The following ABCC12 variants were observed in gnomAD, a reference collection of about 807,000 sequenced individuals.
ABCC12 encodes the protein ATP binding cassette subfamily C member 12.
A neutral mutation model predicts 151.1 loss-of-function variants in ABCC12; 142 were observed. The observed-to-expected ratio is 0.94, with a 90% CI of 0.82 to 1.08. ABCC12 has a LOEUF of 1.08. ABCC12 is among the 50% of genes least tolerant of loss of function. ABCC12 has a pLI of 0.00. For synonymous variants in ABCC12, 645 were observed against 646.4 expected, an observed-to-expected ratio of 1.00 and a Z score of 0.03; for missense variants, 1,638 against 1,691.1, an observed-to-expected ratio of 0.97 and a Z score of 0.55.
At chr16:48,141,067 C>T in intron 5 of ABCC12, 139 bp downstream of exon 5, 1 of 1,412,126 alleles carries the variant, frequency 7.1e-7, no homozygotes, top group South Asian at 1.4e-5. Flanking sequence ...CAAGGATTCA[C>T]TTTATGAAAA....
intron 11 of ABCC12, among the ~76,000 whole-genome samples, chr16:48,127,125 T>A (rs1008817250): frequency 6.6e-6 from 1 of 152,216 alleles, no homozygotes; most frequent in African/African-American, 2.4e-5. Flanking sequence ...TTGTTAGCTA[T>A]GAGAGGTACC....
chr16:48,141,150 C>T, intron 5 of ABCC12, 56 bp downstream of exon 5: 2 of 1,594,010 alleles, frequency 1.3e-6, no homozygotes, highest in South Asian at 1.1e-5. Flanking sequence ...TAACTAATGA[C>T]ATTCTTTGCT....
In ABCC12 at chr16:48,143,328, C is replaced by T. The variant is rs142253353; in HGVS notation, c.275+582G>A. On this transcript the variant is annotated intron_variant, in intron 4 of 30. Coordinates refer to ENST00000311303, the MANE Select transcript of ABCC12 (RefSeq NM_001393797.1). ...AGCTCTTCAATGAGTCCTCTCTCCC[C>T]GCTAATGCTGCCTAATTCCCACCTC... is the stretch of plus-strand genomic sequence containing the variant. Among the ~76,000 whole-genome samples the T allele has an allele frequency of 6.4e-4, 97 of 152,274 alleles. 1 individual carries two copies. In the South Asian group the frequency reaches 8.7e-3, roughly 14 times the overall value.
Position 48,096,805 on chromosome 16 carries a change from G to A in ABCC12, c.3136C>T (p.Leu1046=). The A allele has an allele frequency of 6.2e-7, 1 of 1,614,090 alleles. No individual in the cohort carries two copies. The highest frequency in any genetic ancestry group is 8.5e-7 in the Non-Finnish European group (1 of 1,179,984). The change falls in exon 24 of 31, where the codon CTG becomes TTG. Residue 1046 remains leucine, a synonymous_variant. Coordinates refer to ENST00000311303, the MANE Select transcript of ABCC12 (RefSeq NM_001393797.1). ...LTFTVALLVT[L]SFSSISTSSK... ...GAAGTACTGATGGAGGAGAAACTCA[G>A]GGTCACCAACAAGGCCACAGTGAAG...
In ABCC12 at chr16:48,088,527, A is replaced by G; in HGVS notation, c.3475+18T>C. On this transcript the variant is annotated intron_variant, in intron 26 of 30. Transcript: ENST00000311303. ...AAGAAAACAACCCAAAAGAAACAAA[A>G]GCAGAGCTTGTCCTCACCGGAACCT... The G allele has an allele frequency of 6.2e-7, 1 of 1,605,290 alleles. No homozygotes were observed. The highest frequency in any genetic ancestry group is 8.5e-7 in the Non-Finnish European group (1 of 1,174,914).
intron 9 of ABCC12, among the ~76,000 whole-genome samples, chr16:48,132,364 G>A (rs1173620813): frequency 6.6e-6 from 1 of 152,072 alleles, no homozygotes; most frequent in Admixed American, 6.5e-5. Context: ...AGAAACACAG[G>A]GCAGTAATGG....
At chr16:48,106,370 TAC>T (rs1204163871) in intron 20 of ABCC12, among the ~76,000 whole-genome samples, 1 of 151,972 alleles carries the variant, frequency 6.6e-6, no homozygotes, top group Admixed American at 6.5e-5. Context: ...GGCGCAAACA[TAC>T]AGTGTCTGGG....
chr16:48,143,831 A>G, intron 4 of ABCC12, 79 bp downstream of exon 4: 1 of 1,503,908 alleles, frequency 6.6e-7, no homozygotes, highest in Non-Finnish European at 8.9e-7. Context: ...CTTTTTCTTT[A>G]TAAATTACCC....
At chr16:48,090,957 C>T (rs1962857117) in intron 25 of ABCC12, among the ~76,000 whole-genome samples, 163 bp downstream of exon 25, 1 of 152,138 alleles carries the variant, frequency 6.6e-6, no homozygotes, top group South Asian at 2.1e-4. Context: ...GTGATCTGCC[C>T]GCCTCGGCCT....
chr16:48,144,446 T>TTCATTTTTTTCCTCCTTCTCC (rs1964931733), intron 3 of ABCC12, among the ~76,000 whole-genome samples: 2 of 152,020 alleles, frequency 1.3e-5, no homozygotes, highest in African/African-American at 4.8e-5. Context: ...CCTCCTTCTC[T>TTCATTTTTTTCCTCCTTCTCC]TCCTTTTTTT....
intron 24 of ABCC12, among the ~76,000 whole-genome samples, chr16:48,092,788 C>G (rs570751221): frequency 6.6e-6 from 1 of 152,190 alleles, no homozygotes; most frequent in African/African-American, 2.4e-5. Flanking sequence ...GGAGAGTTAC[C>G]TTAGATAGGG....
chr16:48,152,019 GGCTCTAT>G (rs1470037678), intron 2 of ABCC12, among the ~76,000 whole-genome samples: 1 of 152,192 alleles, frequency 6.6e-6, no homozygotes, highest in Non-Finnish European at 1.5e-5. Flanking sequence ...CGTGTCATGG[GGCTCTAT>G]GCACCAGACT....
In ABCC12 at chr16:48,111,436, C is replaced by T. The variant is rs772164000; in HGVS notation, c.2281G>A (p.Val761Ile). 8 of 1,614,042 alleles carry T rather than the reference C, an allele frequency of 5.0e-6. No homozygotes were observed. Among genetic ancestry groups the T allele is most frequent in the Non-Finnish European group, 6.8e-6 (8 of 1,179,902 alleles). Residue 761 changes from valine to isoleucine, a missense_variant and splice_region_variant, in exon 18 of 31, where the codon GTT becomes ATT. Transcript: ENST00000311303. Reference protein sequence around the residue: ...ETGSEFVDTKVPEHQLIQTES... With the variant: ...ETGSEFVDTKIPEHQLIQTES... ...GACTGAGGGGATGTGTGGTAAATAC[C>T]TTTTGTGTCTACAAATTCTGAGCCT...
intron 9 of ABCC12, 121 bp downstream of exon 9, chr16:48,133,566 T>G: frequency 8.5e-7 from 1 of 1,176,498 alleles, no homozygotes; most frequent in Non-Finnish European, 1.2e-6. Context: ...AGTCACATCC[T>G]GTGGCCTGCC....
chr16:48,139,151 G>A lies in ABCC12; in HGVS notation c.831+12C>T. 2 of 1,575,722 alleles carry A rather than the reference G, an allele frequency of 1.3e-6. No homozygotes were observed. The highest frequency in any genetic ancestry group is 1.7e-6 in the Non-Finnish European group (2 of 1,163,436). On this transcript the variant is annotated intron_variant, in intron 7 of 30. Transcript: ENST00000311303. ...ATACAAAGCAGTTAGAAGCGCAAAA[G>A]CCTGCCGTTACCTGGACGGGTATGA...
rs778359631 is a variant in ABCC12 at position 48,139,235 on chromosome 16, C to T, written c.759G>A (p.Ala253=). 9.9e-6 allele frequency: 16 copies of T among 1,613,914 alleles called. No homozygotes were observed. Among genetic ancestry groups the T allele is most frequent in the Admixed American group, 3.3e-5 (2 of 59,972 alleles). Reference sequence around the variant, plus strand: ...TGGGCCCCAGAATGAAAAAGGCGTACGCCGCACAAAAGACCATTAGGATCG... The same window carrying T: ...TGGGCCCCAGAATGAAAAAGGCGTATGCCGCACAAAAGACCATTAGGATCG... The part of the protein sequence containing the change: ...TIPILMVFCA[A]YAFFILGPTA... Residue 253 remains alanine (A), a synonymous_variant, in exon 7 of 31, where the codon GCG becomes GCA. Transcript: ENST00000311303.
Position 48,088,675 on chromosome 16 carries a change from G to A in ABCC12, c.3345C>T (p.Pro1115=), listed in dbSNP as rs1337786285. ...CTCTGAAGGTGATCTCCCCACGGCT[G>A]GGCCAGTCCTTGGGACAGGTCCCCA... ...LKVGTCPKDW[P]SRGEITFRDY... Residue 1115 remains proline (P), a synonymous_variant, in exon 26 of 31, where the codon CCC becomes CCT. Transcript: ENST00000311303. The A allele has an allele frequency of 6.2e-7, 1 of 1,613,996 alleles. No individual in the cohort carries two copies. The highest frequency in any genetic ancestry group is 1.3e-5 in the African/African-American group (1 of 74,932).
At chr16:48,104,641 G>C (rs551171703) in intron 21 of ABCC12, among the ~76,000 whole-genome samples, 1 of 152,206 alleles carries the variant, frequency 6.6e-6, no homozygotes, top group Non-Finnish European at 1.5e-5. Flanking sequence ...AGCCTGAGAC[G>C]GGAGAGGCTG....
At chr16:48,147,081 C>T (rs182282464) in intron 2 of ABCC12, among the ~76,000 whole-genome samples, 3 of 152,316 alleles carry the variant, frequency 2.0e-5, no homozygotes, top group Admixed American at 1.3e-4. Flanking sequence ...ACTTCAACAA[C>T]ACCACCCCTC....
Sources: allele counts gnomAD v4.1 joint callset (sites outside exome capture counted in the v4.1 genomes callset), GRCh38; gene constraint gnomAD v4.1.1; transcripts MANE v1.5; gene names NCBI Gene and HGNC (gene_info 2026-07-23, HGNC 2026-07-21).